Variants in GCA observed in about 807,000 individuals in gnomAD.
The protein encoded by GCA is grancalcin, EF-hand calcium-binding protein.
GCA carries 30 observed loss-of-function variants against 32.6 expected under a neutral mutation model. The observed-to-expected ratio is 0.92, with a 90% CI of 0.69 to 1.25. GCA has a LOEUF of 1.25. Ranked by LOEUF, GCA falls within the 50% of genes most tolerant of loss-of-function variation. The probability of loss-of-function intolerance (pLI) is 0.00; values close to 1 mark genes in which losing one functional copy is unlikely to be tolerated. For missense variants in GCA, 291 were observed against 266.8 expected, an observed-to-expected ratio of 1.09 and a Z score of -0.63; for synonymous variants, 102 against 84.6, an observed-to-expected ratio of 1.21 and a Z score of -1.13.
chr2:162,344,782 A>G (rs1028238571), intron 1 of GCA, among the ~76,000 whole-genome samples: 4 of 152,092 alleles, frequency 2.6e-5, no homozygotes, highest in East Asian at 1.9e-4. Flanking sequence ...GGCGGGGGGA[A>G]GTTACTCTTT....
chr2:162,338,713 T>C (rs1684350929), intron 1 of GCA, among the ~76,000 whole-genome samples: 1 of 152,208 alleles, frequency 6.6e-6, no homozygotes. Flanking sequence ...GGTATTTTTC[T>C]GATCTTACCT....
rs1477074792 is a variant in GCA, at chr2:162,360,938, C to T, written c.*695C>T. The T allele has an allele frequency of 1.7e-6, 2 of 1,145,124 alleles. No homozygotes were observed. The highest frequency in any genetic ancestry group is 1.6e-5 in the African/African-American group (1 of 62,562). The allele number at this position is 1,145,124 out of a possible 1,614,324, so 70.9% of individuals were successfully genotyped here. On this transcript the variant is annotated 3_prime_UTR_variant, in exon 8 of 8. Transcript: ENST00000437150. ...ATAAACATAGTATTTCTCTCTGCGTCCTATTTCATTAGTGAAGACATAGTT... is the reference window on the plus strand; with the variant it reads ...ATAAACATAGTATTTCTCTCTGCGTTCTATTTCATTAGTGAAGACATAGTT...
At chr2:162,331,565 C>T (rs926959467) in intron 1 of GCA, among the ~76,000 whole-genome samples, 5 of 152,158 alleles carry the variant, frequency 3.3e-5, no homozygotes, top group African/African-American at 9.7e-5. Context: ...GAGTTGAGCA[C>T]ATTTTGCCCT....
chr2:162,372,104 A>G (rs769002246), downstream of GCA: 2 of 1,597,872 alleles, frequency 1.3e-6, no homozygotes, highest in Non-Finnish European at 1.7e-6. Flanking sequence ...CACTGATGGA[A>G]AAAGAACAAA....
At chr2:162,323,006 T>C (rs1258777921) in intron 1 of GCA, among the ~76,000 whole-genome samples, 2 of 151,898 alleles carry the variant, frequency 1.3e-5, no homozygotes, top group African/African-American at 4.9e-5. Context: ...ATGGTTGAAC[T>C]AGTTTACAGT....
At chr2:162,365,434 C>A (rs1685722487), downstream of GCA, among the ~76,000 whole-genome samples, 1 of 151,494 alleles carries the variant, frequency 6.6e-6, no homozygotes, top group African/African-American at 2.4e-5. Flanking sequence ...AAAATATTTA[C>A]TAAAAAATAA....
At position 162,371,369 on chromosome 2, in the gene GCA, A is replaced by G. The variant is rs1014657330; in HGVS notation, c.430A>G (p.Lys144Glu). 7 of 1,288,444 alleles carry G rather than the reference A, an allele frequency of 5.4e-6. No individual in the cohort carries two copies. In the African/African-American group the frequency reaches 1.1e-4, roughly 20 times the overall value. The allele number at this position is 1,288,444 out of a possible 1,614,324, so 79.8% of individuals were successfully genotyped here. The stretch of plus-strand genomic sequence containing the variant: ...TACAGAAAGACCTGAATCTGTGTGC[A>G]AAAGTGACTAAGTTCCCTTTATCCC... Residue 144 changes from lysine (K) to glutamate (E), a missense_variant, in exon 5 of 5, where the codon AAA (lysine) becomes GAA (glutamate). By Grantham distance (56) the Lys-to-Glu change is moderately conservative. Coordinates refer to the GCA transcript ENST00000414723.
At position 162,361,947 on chromosome 2, in the gene GCA, A is replaced by G. The variant is rs554926191; in HGVS notation, c.*1704A>G. ...AACTATTCTGCGGTCGATTATGATTATCTCTCTTACTTGGAGGCTCACAGT... is the reference window on the plus strand; with the variant it reads ...AACTATTCTGCGGTCGATTATGATTGTCTCTCTTACTTGGAGGCTCACAGT... On this transcript the variant is annotated 3_prime_UTR_variant, in exon 8 of 8. Coordinates refer to ENST00000437150, the MANE Select transcript of GCA (RefSeq NM_012198.5). 5.1e-6 allele frequency: 5 copies of G among 983,992 alleles called. No individual in the cohort carries two copies. The African/African-American group carries it at 8.7e-5, about 17-fold the overall frequency. 61.0% of individuals were successfully genotyped at this position (983,992 alleles called of 1,614,324 possible).
intron 5 of GCA, among the ~76,000 whole-genome samples, chr2:162,357,837 T>C (rs1256260863): frequency 6.6e-6 from 1 of 151,598 alleles, no homozygotes; most frequent in Non-Finnish European, 1.5e-5. Flanking sequence ...GGCAGTGGAA[T>C]GTAAAAAGGG....
intron 3 of GCA, among the ~76,000 whole-genome samples, chr2:162,356,016 C>T (rs1163493630): frequency 3.9e-5 from 6 of 151,990 alleles, no homozygotes; most frequent in Non-Finnish European, 8.8e-5. Flanking sequence ...TTTCTGATGT[C>T]ATCATATGTC....
downstream of GCA, among the ~76,000 whole-genome samples, chr2:162,364,482 C>G (rs956418250): frequency 4.6e-5 from 7 of 151,354 alleles, 1 homozygote; most frequent in Admixed American, 1.3e-4. Context: ...TATTTAGATT[C>G]TCATTTTCTG....
At position 162,361,215 on chromosome 2, in the gene GCA, T is replaced by C; in HGVS notation, c.*972T>C. The C allele has an allele frequency of 4.1e-6, 4 of 984,842 alleles. No homozygotes were observed. Among genetic ancestry groups the C allele is most frequent in the Non-Finnish European group, 4.8e-6 (4 of 829,554 alleles). The allele number at this position is 984,842 out of a possible 1,614,324, so 61.0% of individuals were successfully genotyped here. On this transcript the variant is annotated 3_prime_UTR_variant, in exon 8 of 8. Coordinates refer to ENST00000437150, the MANE Select transcript of GCA (RefSeq NM_012198.5). ...ACCCAGTAAGTATTTTGAGTGCATC[T>C]ATGTGATGTGGTGTTTTGAGCATAG... is the stretch of plus-strand genomic sequence containing the variant.
At chr2:162,334,889 C>T (rs577418500) in intron 1 of GCA, among the ~76,000 whole-genome samples, 6 of 152,320 alleles carry the variant, frequency 3.9e-5, no homozygotes, top group African/African-American at 1.4e-4. Flanking sequence ...TATGTTACCA[C>T]ATTTAATCTT....
downstream of GCA, among the ~76,000 whole-genome samples, chr2:162,364,691 A>G (rs1006529806): frequency 6.6e-6 from 1 of 151,558 alleles, no homozygotes; most frequent in Non-Finnish European, 1.5e-5. Flanking sequence ...AGTTTTCTTG[A>G]AGGTAGTTTG....
At chr2:162,371,937 A>G, downstream of GCA, 3 of 1,613,916 alleles carry the variant, frequency 1.9e-6, no homozygotes, top group Non-Finnish European at 2.5e-6. Flanking sequence ...GATGAACGTA[A>G]GTTTTTCTTT....
In GCA at chr2:162,361,994, A is replaced by T; in HGVS notation, c.*1751A>T. Reference sequence around the variant, plus strand: ...CAGTTGAGGTAAAACTTTTAAAATGACAAATGGTATTATTCATGTAAGCTT... The same window carrying T: ...CAGTTGAGGTAAAACTTTTAAAATGTCAAATGGTATTATTCATGTAAGCTT... On this transcript the variant is annotated 3_prime_UTR_variant, in exon 8 of 8. Coordinates refer to ENST00000437150, the MANE Select transcript of GCA (RefSeq NM_012198.5). The T allele has an allele frequency of 2.0e-6, 2 of 983,250 alleles. No individual in the cohort carries two copies. Among genetic ancestry groups the T allele is most frequent in the Non-Finnish European group, 2.4e-6 (2 of 828,174 alleles). The allele number at this position is 983,250 out of a possible 1,614,324, so 60.9% of individuals were successfully genotyped here.
intron 3 of GCA, among the ~76,000 whole-genome samples, chr2:162,354,840 G>A (rs1316806991): frequency 1.3e-5 from 2 of 152,014 alleles, no homozygotes; most frequent in South Asian, 2.1e-4. Flanking sequence ...CCATTCTAAT[G>A]GGCTATGGGG....
At chr2:162,373,290 T>C (rs1240098094), downstream of GCA, among the ~76,000 whole-genome samples, 1 of 152,166 alleles carries the variant, frequency 6.6e-6, no homozygotes, top group Non-Finnish European at 1.5e-5. Flanking sequence ...AACATAAAAA[T>C]CAGCGTGGGC....
chr2:162,344,825 G>A (rs1684602256), intron 1 of GCA, among the ~76,000 whole-genome samples: 1 of 152,164 alleles, frequency 6.6e-6, no homozygotes, highest in African/African-American at 2.4e-5. Context: ...ACCTTTGGGA[G>A]TTGCAAGTTA....
Sources: allele counts gnomAD v4.1 joint callset (sites outside exome capture counted in the v4.1 genomes callset), GRCh38; gene constraint gnomAD v4.1.1; transcripts MANE v1.5; gene names NCBI Gene and HGNC (gene_info 2026-07-23, HGNC 2026-07-21).